Variants in NCAM2 observed in about 807,000 individuals in gnomAD.
The protein encoded by NCAM2 is neural cell adhesion molecule 2.
A neutral mutation model predicts 98.1 loss-of-function variants in NCAM2; 30 were observed. That is an observed-to-expected ratio of 0.31 (90% CI 0.23 to 0.41). The LOEUF (loss-of-function observed/expected upper bound fraction) is 0.41, where lower values mean the gene tolerates loss of function less well. Ranked by LOEUF, NCAM2 falls within the 10% of genes least tolerant of loss-of-function variation. The pLI, the probability that NCAM2 is intolerant of heterozygous loss-of-function variation, is 1.00. For synonymous variants in NCAM2, 368 were observed against 342.4 expected (o/e 1.07, Z -0.83); for missense variants, 867 against 1,005.8 (o/e 0.86, Z 1.87).
At chr21:21,129,494 A>G (rs963993089) in intron 1 of NCAM2, among the ~76,000 whole-genome samples, 5 of 152,134 alleles carry the variant, frequency 3.3e-5, no homozygotes, top group African/African-American at 1.2e-4. Flanking sequence ...GGGCTTCTAT[A>G]TCAAAAATGC....
At chr21:21,515,555 T>C (rs1008432224) in intron 16 of NCAM2, among the ~76,000 whole-genome samples, 2 of 152,230 alleles carry the variant, frequency 1.3e-5, no homozygotes, top group African/African-American at 4.8e-5. Context: ...CCTAACAAGA[T>C]ATTATCTCTA....
intron 1 of NCAM2, among the ~76,000 whole-genome samples, chr21:21,025,419 C>T (rs1179043416): frequency 3.9e-5 from 6 of 152,052 alleles, no homozygotes; most frequent in Non-Finnish European, 7.4e-5. Flanking sequence ...CCAGGACTGG[C>T]GGTTTCTGTG....
intron 1 of NCAM2, among the ~76,000 whole-genome samples, chr21:21,177,390 A>T (rs1555897739): frequency 6.6e-6 from 1 of 152,104 alleles, no homozygotes; most frequent in Non-Finnish European, 1.5e-5. Context: ...GCATTTGCAG[A>T]TGTCTAGAAA....
intron 1 of NCAM2, among the ~76,000 whole-genome samples, chr21:21,136,631 T>G (rs908144860): frequency 1.6e-4 from 22 of 137,904 alleles, no homozygotes; most frequent in African/African-American, 5.7e-4. Flanking sequence ...CTGTTTTTTG[T>G]TTTTTTTTTT....
At chr21:21,196,710 A>C (rs922315675) in intron 1 of NCAM2, among the ~76,000 whole-genome samples, 2 of 152,200 alleles carry the variant, frequency 1.3e-5, no homozygotes, top group East Asian at 1.9e-4. Context: ...CTGAAAAATC[A>C]AATTTAATCA....
chr21:21,490,277 A>T (rs1986740254), intron 15 of NCAM2, among the ~76,000 whole-genome samples: 1 of 152,026 alleles, frequency 6.6e-6, no homozygotes, highest in Admixed American at 6.5e-5. Context: ...GAATTCTATT[A>T]GTGTTTCTGA....
intron 1 of NCAM2, among the ~76,000 whole-genome samples, chr21:21,024,071 G>A (rs1204412166): frequency 6.6e-6 from 1 of 152,090 alleles, no homozygotes; most frequent in Admixed American, 6.6e-5. Context: ...TAATACACTT[G>A]TTCCCAAAGC....
chr21:21,479,632 T>G (rs1353291413), intron 15 of NCAM2, among the ~76,000 whole-genome samples: 1 of 107,122 alleles, frequency 9.3e-6, no homozygotes, highest in African/African-American at 3.5e-5. Context: ...AAACCAACAA[T>G]ACGTGTAGAC....
intron 1 of NCAM2, among the ~76,000 whole-genome samples, chr21:21,080,531 G>A (rs1013894426): frequency 1.3e-5 from 2 of 151,222 alleles, no homozygotes; most frequent in Non-Finnish European, 2.9e-5. Flanking sequence ...CAAGAGAATC[G>A]CTTGAACCTG....
intron 14 of NCAM2, among the ~76,000 whole-genome samples, chr21:21,470,362 A>C (rs1461336014): frequency 1.3e-5 from 2 of 152,086 alleles, no homozygotes; most frequent in South Asian, 2.1e-4. Context: ...CTTTTTTGAG[A>C]AGTTATGTGT....
At chr21:21,107,911 A>G (rs2066381123) in intron 1 of NCAM2, among the ~76,000 whole-genome samples, 1 of 152,088 alleles carries the variant, frequency 6.6e-6, no homozygotes, top group Non-Finnish European at 1.5e-5. Context: ...TCAGAAGCTT[A>G]TTTATAAAGT....
chr21:21,241,362 C>T (rs1444886319), intron 1 of NCAM2, among the ~76,000 whole-genome samples: 2 of 152,020 alleles, frequency 1.3e-5, no homozygotes, highest in East Asian at 1.9e-4. Context: ...AGTATTTTCA[C>T]AGTTTATATA....
chr21:21,180,142 A>T (rs891570029), intron 1 of NCAM2, among the ~76,000 whole-genome samples: 1 of 152,132 alleles, frequency 6.6e-6, no homozygotes, highest in Non-Finnish European at 1.5e-5. Context: ...CTACCATCCA[A>T]CAAAGGACGT....
intron 1 of NCAM2, among the ~76,000 whole-genome samples, chr21:21,266,130 G>A (rs932287071): frequency 5.9e-5 from 9 of 151,938 alleles, no homozygotes; most frequent in African/African-American, 1.9e-4. Flanking sequence ...TAAAAAAATG[G>A]TTTGATTTTA....
intron 12 of NCAM2, among the ~76,000 whole-genome samples, chr21:21,445,203 C>T (rs1025543503): frequency 1.3e-5 from 2 of 151,894 alleles, no homozygotes; most frequent in African/African-American, 2.4e-5. Context: ...AGAGGCTGTT[C>T]GCTATGATTT....
intron 15 of NCAM2, among the ~76,000 whole-genome samples, chr21:21,489,308 T>A (rs1986655827): frequency 6.6e-6 from 1 of 152,146 alleles, no homozygotes; most frequent in Non-Finnish European, 1.5e-5. Flanking sequence ...TGTTTTCACT[T>A]TTTTAAAATT....
At chr21:21,082,286 A>AAC (rs1569003252) in intron 1 of NCAM2, among the ~76,000 whole-genome samples, 7 of 149,388 alleles carry the variant, frequency 4.7e-5, no homozygotes, top group East Asian at 1.9e-4. Flanking sequence ...CAAAACAAAA[A>AAC]AAAAAAAACA....
intron 1 of NCAM2, among the ~76,000 whole-genome samples, chr21:21,097,456 C>A (rs1315076792): frequency 6.6e-6 from 1 of 151,542 alleles, no homozygotes; most frequent in Admixed American, 6.6e-5. Flanking sequence ...GGATATTGGT[C>A]ATTTTATTAT....
intron 1 of NCAM2, among the ~76,000 whole-genome samples, chr21:21,069,562 G>C (rs1049387399): frequency 1.3e-5 from 2 of 152,106 alleles, no homozygotes; most frequent in African/African-American, 4.8e-5. Context: ...TTCCCCAACT[G>C]TGTACCCACT....
Sources: allele counts gnomAD v4.1 joint callset (sites outside exome capture counted in the v4.1 genomes callset), GRCh38; gene constraint gnomAD v4.1.1; transcripts MANE v1.5; gene names NCBI Gene and HGNC (gene_info 2026-07-23, HGNC 2026-07-21).